The following VPS13B variants were observed in gnomAD, a reference collection of about 807,000 sequenced individuals.
VPS13B encodes the protein vacuolar protein sorting 13 homolog B, also known as intermembrane lipid transfer protein VPS13B.
In VPS13B, 285 loss-of-function variants were observed where a neutral mutation model predicts 426.4. That is an observed-to-expected ratio of 0.67 (90% CI 0.61 to 0.74). VPS13B has a LOEUF of 0.74. VPS13B is among the 30% of genes least tolerant of loss of function. The pLI is 0.00. For missense variants in VPS13B, 4,537 were observed against 4,782.6 expected (o/e 0.95, Z 1.51); for synonymous variants, 1,676 against 1,676.4 (o/e 1.00, Z 0.01).
intron 4 of VPS13B, 26 bp downstream of exon 4, chr8:99,096,458 C>G: frequency 1.2e-6 from 2 of 1,613,266 alleles, no homozygotes; most frequent in Non-Finnish European, 1.7e-6. Context: ...ATCAATAAAA[C>G]CAAATTTCAA....
chr8:99,573,192 C>G (rs911189637), intron 31 of VPS13B, among the ~76,000 whole-genome samples: 11 of 152,208 alleles, frequency 7.2e-5, no homozygotes, highest in Non-Finnish European at 1.0e-4. Context: ...GTAGATTCTG[C>G]ATATTAGCCC....
intron 19 of VPS13B, among the ~76,000 whole-genome samples, chr8:99,286,174 A>G (rs1819432232): frequency 6.6e-6 from 1 of 152,166 alleles, no homozygotes; most frequent in Non-Finnish European, 1.5e-5. Context: ...AACCATAACT[A>G]GTGTATGATA....
chr8:99,765,070 A>C (rs988384039), intron 39 of VPS13B, among the ~76,000 whole-genome samples: 1 of 151,960 alleles, frequency 6.6e-6, no homozygotes, highest in African/African-American at 2.4e-5. Context: ...ACATGGCGAA[A>C]CCCCTTCTCT....
intron 39 of VPS13B, among the ~76,000 whole-genome samples, chr8:99,761,326 A>G (rs549840212): frequency 3.3e-5 from 5 of 152,348 alleles, no homozygotes; most frequent in African/African-American, 1.2e-4. Context: ...TGTGAACTAA[A>G]TAAAGTTTTT....
At chr8:99,275,350 G>A (rs867881819) in intron 19 of VPS13B, 96 bp downstream of exon 19, 12 of 1,169,392 alleles carry the variant, frequency 1.0e-5, no homozygotes, top group Middle Eastern at 3.1e-4. Context: ...TTTTTTTTTA[G>A]GTATTTTTGT....
At chr8:99,522,787 TAAAC>T (rs1563774895) in intron 30 of VPS13B, among the ~76,000 whole-genome samples, 2 of 152,204 alleles carry the variant, frequency 1.3e-5, no homozygotes, top group Non-Finnish European at 2.9e-5. Flanking sequence ...CATTTCTACA[TAAAC>T]AAACTAACAA....
intron 16 of VPS13B, among the ~76,000 whole-genome samples, chr8:99,185,627 G>C (rs1453409775): frequency 2.0e-5 from 3 of 152,114 alleles, no homozygotes; most frequent in African/African-American, 7.2e-5. Flanking sequence ...TCCAGCTGTT[G>C]CTGAGAATAT....
chr8:99,512,632 C>A (rs1821850870), intron 29 of VPS13B, among the ~76,000 whole-genome samples: 1 of 152,066 alleles, frequency 6.6e-6, no homozygotes, highest in Non-Finnish European at 1.5e-5. Flanking sequence ...AGGAAAACAC[C>A]ATGGAAACAA....
At chr8:99,093,593 T>C (rs1463192224) in intron 3 of VPS13B, among the ~76,000 whole-genome samples, 1 of 146,608 alleles carries the variant, frequency 6.8e-6, no homozygotes, top group Non-Finnish European at 1.5e-5. Context: ...TGTGTTCTCA[T>C]TGTTCAATTC....
intron 17 of VPS13B, among the ~76,000 whole-genome samples, chr8:99,234,708 C>T (rs560767435): frequency 7.0e-4 from 107 of 152,278 alleles, no homozygotes; most frequent in Middle Eastern, 3.4e-3. Flanking sequence ...ATGGAGGTTG[C>T]ATTATATCCT....
At chr8:99,312,643 T>G (rs1205011324) in intron 19 of VPS13B, among the ~76,000 whole-genome samples, 2 of 152,212 alleles carry the variant, frequency 1.3e-5, no homozygotes, top group African/African-American at 4.8e-5. Flanking sequence ...GACAATTATG[T>G]GTCTTGGAGT....
chr8:99,013,692 C>G lies in VPS13B; in HGVS notation c.-29-68C>G, dbSNP rs547041651. On this transcript the variant is annotated intron_variant, in intron 1 of 61. Coordinates refer to ENST00000357162, the MANE Select transcript of VPS13B (RefSeq NM_152564.5). Reference sequence around the variant, plus strand: ...TTGGTGGGGACTTACTGCTTTCGGCCTGAGATAACGAACGCTCTTTCCTTC... The same window carrying G: ...TTGGTGGGGACTTACTGCTTTCGGCGTGAGATAACGAACGCTCTTTCCTTC... 12 of 1,489,494 alleles carry G rather than the reference C, an allele frequency of 8.1e-6. No homozygotes were observed. In the Admixed American group the frequency reaches 1.8e-4, roughly 23 times the overall value. The allele number at this position is 1,489,494 out of a possible 1,614,324, so 92.3% of individuals were successfully genotyped here.
chr8:99,764,445 C>T (rs1222737773), intron 39 of VPS13B, among the ~76,000 whole-genome samples: 1 of 143,372 alleles, frequency 7.0e-6, no homozygotes, highest in African/African-American at 2.6e-5. Context: ...ATGGAGTCTC[C>T]CTCTGTTGCC....
intron 25 of VPS13B, among the ~76,000 whole-genome samples, chr8:99,491,830 TTTG>T (rs1414427210): frequency 6.6e-6 from 1 of 152,200 alleles, no homozygotes; most frequent in African/African-American, 2.4e-5. Flanking sequence ...CTCGGAGAAG[TTTG>T]TTATTACCGA....
intron 4 of VPS13B, among the ~76,000 whole-genome samples, chr8:99,101,934 T>C (rs1315638999): frequency 1.3e-5 from 2 of 151,872 alleles, no homozygotes; most frequent in African/African-American, 2.4e-5. Flanking sequence ...TTTTCTTTAA[T>C]AGTGGAAATG....
chr8:99,165,672 T>C (rs1429730153), intron 15 of VPS13B, among the ~76,000 whole-genome samples: 1 of 152,198 alleles, frequency 6.6e-6, no homozygotes, highest in Admixed American at 6.5e-5. Context: ...TTCATACACA[T>C]TTTACGGTTA....
At chr8:99,627,776 T>C (rs1828678425) in intron 33 of VPS13B, among the ~76,000 whole-genome samples, 1 of 152,234 alleles carries the variant, frequency 6.6e-6, no homozygotes, top group Non-Finnish European at 1.5e-5. Context: ...ATAATACTAA[T>C]TTAAAAATTA....
Position 99,422,506 on chromosome 8 carries a change from C to T in VPS13B, c.3083-9031C>T, listed in dbSNP as rs181620209. ...CATCGGTAGGTTTTTAAATTTTGAC[C>T]GTGAGGCTTTTGTGCAAACCTTTGC... On this transcript the variant is annotated intron_variant, in intron 21 of 61. Transcript: ENST00000357162. Among the ~76,000 whole-genome samples, 14 of 151,846 alleles carry T rather than the reference C, an allele frequency of 9.2e-5. 1 individual carries two copies. Among genetic ancestry groups the T allele is most frequent in the Non-Finnish European group, 1.6e-4 (11 of 67,944 alleles).
At chr8:99,155,800 C>T (rs1811330334) in intron 14 of VPS13B, among the ~76,000 whole-genome samples, 1 of 152,156 alleles carries the variant, frequency 6.6e-6, no homozygotes, top group African/African-American at 2.4e-5. Flanking sequence ...TGAAACTGCT[C>T]TTCTTGCATT....
Sources: gnomAD v4.1 joint callset for allele counts (sites outside exome capture counted in the v4.1 genomes callset) on GRCh38, gnomAD v4.1.1 for gene constraint, MANE v1.5 for transcripts, NCBI Gene and HGNC (gene_info 2026-07-23, HGNC 2026-07-21) for gene names.